Variants in STRADB observed in about 807,000 individuals in gnomAD.
STRADB encodes STE20 related adaptor beta, also known as STE20-related kinase adapter protein beta.
Under a neutral mutation model 52.1 loss-of-function variants are expected in STRADB, and 34 were observed. The ratio of observed to expected loss-of-function variants is 0.65; its 90% CI spans 0.50 to 0.87. STRADB has a LOEUF of 0.87. Ranked by LOEUF, STRADB falls within the 40% of genes least tolerant of loss-of-function variation. The probability of loss-of-function intolerance (pLI) is 0.00; values close to 1 mark genes in which losing one functional copy is unlikely to be tolerated. For synonymous variants in STRADB, 133 were observed against 174.5 expected (o/e 0.76, Z 1.87); for missense variants, 340 against 483.9 (o/e 0.70, Z 2.79).
rs116258317 is a variant in STRADB at position 201,468,968 on chromosome 2, C to T, written c.94-985C>T. On this transcript the variant is annotated intron_variant, in intron 3 of 11. Coordinates refer to ENST00000194530, the MANE Select transcript of STRADB (RefSeq NM_018571.6). ...TTTTCTCATCAGGATTATTTCCAAT[C>T]GTATAGTAGAATTTCTTTTTACATT... Among the ~76,000 whole-genome samples, 343 of 152,292 alleles carry T rather than the reference C, an allele frequency of 2.3e-3. 3 individuals carry two copies. The highest frequency in any genetic ancestry group is 7.7e-3 in the African/African-American group (322 of 41,566).
chr2:201,460,729 T>C, intron 3 of STRADB: 1 of 280,502 alleles, frequency 3.6e-6, no homozygotes, highest in South Asian at 3.3e-5. Context: ...TATTCCATTG[T>C]ACATATGTAC....
chr2:201,477,052 G>GTTTTTTTTTTTT (rs1221462406), intron 7 of STRADB, among the ~76,000 whole-genome samples: 2 of 57,040 alleles, frequency 3.5e-5, no homozygotes, highest in Non-Finnish European at 5.9e-5. Flanking sequence ...AATATTATCA[G>GTTTTTTTTTTTT]TTTTTTTTTT....
At chr2:201,472,772 C>A in intron 4 of STRADB, 183 bp from the exon 5 acceptor site, 1 of 474,530 alleles carries the variant, frequency 2.1e-6, no homozygotes, top group Non-Finnish European at 3.6e-6. Flanking sequence ...CCTGTTTAAT[C>A]CTCTGCCTGT....
chr2:201,472,284 T>C (rs1952402113), intron 4 of STRADB, among the ~76,000 whole-genome samples: 1 of 152,230 alleles, frequency 6.6e-6, no homozygotes, highest in Non-Finnish European at 1.5e-5. Context: ...AAAACACATG[T>C]CTACTTAAAA....
chr2:201,479,887 C>A, intron 11 of STRADB, 145 bp from the exon 12 acceptor site: 2 of 967,298 alleles, frequency 2.1e-6, no homozygotes, highest in Non-Finnish European at 1.6e-6. Context: ...TTTCAGATGA[C>A]CAGAATCAAA....
chr2:201,474,573 C>A, intron 5 of STRADB, 74 bp from the exon 6 acceptor site: 1 of 1,297,114 alleles, frequency 7.7e-7, no homozygotes, highest in Non-Finnish European at 1.1e-6. Context: ...GTATTAGCTG[C>A]CACGACCGCC....
In STRADB at chr2:201,480,287, A is replaced by G. The variant is rs894580289; in HGVS notation, c.*112A>G. On this transcript the variant is annotated 3_prime_UTR_variant, in exon 12 of 12. Coordinates refer to ENST00000194530, the MANE Select transcript of STRADB (RefSeq NM_018571.6). ...TTATACTTGAAAATACAGTTGGTGC[A>G]CTGGAGAATCTATTATTTAAAACCA... The G allele has an allele frequency of 5.9e-6, 9 of 1,536,100 alleles. No homozygotes were observed. Among genetic ancestry groups the G allele is most frequent in the Non-Finnish European group, 7.0e-6 (8 of 1,145,970 alleles).
intron 1 of STRADB, among the ~76,000 whole-genome samples, chr2:201,452,718 C>A (rs929392106): frequency 6.6e-6 from 1 of 152,140 alleles, no homozygotes; most frequent in South Asian, 2.1e-4. Context: ...TTTTGCATTC[C>A]CTGTAACAGT....
chr2:201,459,649 C>G (rs1261911205), intron 3 of STRADB, among the ~76,000 whole-genome samples: 2 of 152,146 alleles, frequency 1.3e-5, no homozygotes, highest in East Asian at 3.9e-4. Context: ...CCTCTAGGCT[C>G]CTAGACACAC....
At chr2:201,465,357 C>T (rs1952284581) in intron 3 of STRADB, among the ~76,000 whole-genome samples, 1 of 152,200 alleles carries the variant, frequency 6.6e-6, no homozygotes, top group Non-Finnish European at 1.5e-5. Context: ...GGAGCAGTTT[C>T]CCTTCTGGCC....
At chr2:201,460,340 A>G (rs1434068902) in intron 3 of STRADB, among the ~76,000 whole-genome samples, 1 of 152,160 alleles carries the variant, frequency 6.6e-6, no homozygotes, top group African/African-American at 2.4e-5. Flanking sequence ...AAATGGGTAA[A>G]TGGTTTATCT....
chr2:201,455,264 T>C (rs1029659971), intron 2 of STRADB, among the ~76,000 whole-genome samples: 2 of 152,194 alleles, frequency 1.3e-5, no homozygotes, highest in Non-Finnish European at 2.9e-5. Flanking sequence ...TTTGGATCAA[T>C]GTATATATGA....
intron 2 of STRADB, 109 bp from the exon 3 acceptor site, chr2:201,458,675 C>T: frequency 5.8e-6 from 5 of 868,714 alleles, no homozygotes; most frequent in Non-Finnish European, 8.8e-6. Flanking sequence ...GCAAGTTGCC[C>T]TTCCTCTCTT....
chr2:201,455,653 G>A (rs545229282), intron 2 of STRADB, among the ~76,000 whole-genome samples: 3 of 151,876 alleles, frequency 2.0e-5, no homozygotes, highest in Admixed American at 6.6e-5. Flanking sequence ...GCAGTGAACT[G>A]TGATCATGCC....
At position 201,480,689 on chromosome 2, in the gene STRADB, C is replaced by A; in HGVS notation, c.*514C>A. The stretch of plus-strand genomic sequence containing the variant: ...ATACTTATGGTAACACCTAACTGAG[C>A]CTCACTCACATTAAATGATTCACTT... On this transcript the variant is annotated 3_prime_UTR_variant, in exon 12 of 12. Transcript: ENST00000194530. The A allele has an allele frequency of 1.0e-6, 1 of 985,980 alleles. No individual in the cohort carries two copies. Among genetic ancestry groups the A allele is most frequent in the East Asian group, 1.1e-4 (1 of 8,814 alleles). 61.1% of individuals were successfully genotyped at this position (985,980 alleles called of 1,614,324 possible).
intron 3 of STRADB, among the ~76,000 whole-genome samples, chr2:201,468,085 C>CTTTTTTTTT (rs536551120): frequency 2.7e-4 from 19 of 71,018 alleles, no homozygotes; most frequent in Admixed American, 3.2e-4. Flanking sequence ...TTTTTTTTTT[C>CTTTTTTTTT]TTTTTTTTTT....
intron 3 of STRADB, among the ~76,000 whole-genome samples, chr2:201,460,516 A>G (rs923326200): frequency 1.3e-5 from 2 of 152,026 alleles, no homozygotes; most frequent in African/African-American, 2.4e-5. Flanking sequence ...CTCATTAACC[A>G]TCTCCACTCT....
chr2:201,480,417 A>T lies in STRADB; in HGVS notation c.*242A>T, dbSNP rs559893366. On this transcript the variant is annotated 3_prime_UTR_variant, in exon 12 of 12. Transcript: ENST00000194530. ...TCTAGCTAGTGTCATTTATTCTGGA[A>T]TTTTTTTCTAAGCTGTGACTAACTC... 1 of 1,232,636 alleles carries T rather than the reference A, an allele frequency of 8.1e-7. No individual in the cohort carries two copies. Among genetic ancestry groups the T allele is most frequent in the Admixed American group, 3.9e-5 (1 of 25,666 alleles). The allele number at this position is 1,232,636 out of a possible 1,614,324, so 76.4% of individuals were successfully genotyped here.
intron 3 of STRADB, among the ~76,000 whole-genome samples, chr2:201,464,792 C>T (rs13400998): frequency 0.012 from 1,884 of 152,268 alleles, 56 homozygotes; most frequent in African/African-American, 0.043. Context: ...GCTGAGCTGG[C>T]ACCCAAACCA....
Sources: allele counts gnomAD v4.1 joint callset (sites outside exome capture counted in the v4.1 genomes callset), GRCh38; gene constraint gnomAD v4.1.1; transcripts MANE v1.5; gene names NCBI Gene and HGNC (gene_info 2026-07-23, HGNC 2026-07-21).